Variants in ANGPT2 observed in about 807,000 individuals in gnomAD.
The protein encoded by ANGPT2 is angiopoietin-2.
A neutral mutation model predicts 62.9 loss-of-function variants in ANGPT2; 28 were observed. The observed-to-expected ratio is 0.44, with a 90% CI of 0.33 to 0.61. The LOEUF (loss-of-function observed/expected upper bound fraction) is 0.61, where lower values mean the gene tolerates loss of function less well. ANGPT2 is among the 20% of genes least tolerant of loss of function. ANGPT2 has a pLI of 0.03. For missense variants in ANGPT2, 727 were observed against 594.9 expected, an observed-to-expected ratio of 1.22 and a Z score of -2.31; for synonymous variants, 284 against 207.8, an observed-to-expected ratio of 1.37 and a Z score of -3.15.
In ANGPT2 at chr8:6,562,860, G is replaced by C; in HGVS notation, c.75C>G (p.Ser25Arg). Reference sequence around the variant, plus strand: ...ATTGCTTCTTTCCTATGCTGTCCATGCTCTTCCGAAAGTTGTTATAGGCTG... The same window carrying C: ...ATTGCTTCTTTCCTATGCTGTCCATCCTCTTCCGAAAGTTGTTATAGGCTG... ...LAAAYNNFRK[S>R]MDSIGKKQYQ... Residue 25 changes from serine to arginine, a missense_variant, in exon 1 of 9, where the codon AGC becomes AGG. Coordinates refer to ENST00000629816, the MANE Select transcript of ANGPT2 (RefSeq NM_001118887.2). The C allele has an allele frequency of 1.9e-6, 3 of 1,613,164 alleles. No homozygotes were observed. Among genetic ancestry groups the C allele is most frequent in the Non-Finnish European group, 2.5e-6 (3 of 1,179,298 alleles).
intron 8 of ANGPT2, among the ~76,000 whole-genome samples, chr8:6,505,258 TG>T (rs1277017424): frequency 0.16 from 4,701 of 30,290 alleles, 975 homozygotes; most frequent in East Asian, 0.42. Context: ...TCTTTATATA[TG>T]TTTTATATAT....
chr8:6,541,761 T>C (rs1821620025), intron 1 of ANGPT2, among the ~76,000 whole-genome samples: 1 of 152,112 alleles, frequency 6.6e-6, no homozygotes, highest in South Asian at 2.1e-4. Flanking sequence ...CCCAATACTT[T>C]AGGGGGCCAA....
rs2129573049 is a variant in ANGPT2 at position 6,538,338 on chromosome 8, T to C, written c.289-5851A>G. Among the ~76,000 whole-genome samples the C allele has an allele frequency of 2.0e-5, 3 of 152,318 alleles. 1 individual carries two copies. The South Asian group carries it at 6.2e-4, about 32-fold the overall frequency. The stretch of plus-strand genomic sequence containing the variant: ...TCTTCCCGCCCAGGGTCCACTGTCC[T>C]CTCTGTCTCTTGCTGGCCACGCATC... On this transcript the variant is annotated intron_variant, in intron 1 of 8. Coordinates refer to ENST00000629816, the MANE Select transcript of ANGPT2 (RefSeq NM_001118887.2).
chr8:6,548,466 G>T (rs1040510480), intron 1 of ANGPT2, among the ~76,000 whole-genome samples: 2 of 152,078 alleles, frequency 1.3e-5, no homozygotes, highest in Non-Finnish European at 2.9e-5. Flanking sequence ...GCTCTCCTCT[G>T]CCCAGCTCGA....
intron 7 of ANGPT2, among the ~76,000 whole-genome samples, chr8:6,509,916 CT>C (rs1368155602): frequency 6.6e-6 from 1 of 152,176 alleles, no homozygotes; most frequent in Non-Finnish European, 1.5e-5. Context: ...CTCGCTGCCG[CT>C]GCCTGGCATC....
intron 1 of ANGPT2, among the ~76,000 whole-genome samples, chr8:6,555,729 C>A (rs1024975365): frequency 3.9e-5 from 6 of 152,168 alleles, no homozygotes; most frequent in African/African-American, 1.4e-4. Flanking sequence ...TCCGAAAGTG[C>A]TGCGATTACA....
chr8:6,531,543 CG>C (rs1266922984), intron 2 of ANGPT2, among the ~76,000 whole-genome samples: 1 of 152,084 alleles, frequency 6.6e-6, no homozygotes, highest in Non-Finnish European at 1.5e-5. Context: ...CCACCCATCT[CG>C]GCCTCCCAAA....
At chr8:6,551,494 G>A (rs1197509504) in intron 1 of ANGPT2, among the ~76,000 whole-genome samples, 1 of 152,184 alleles carries the variant, frequency 6.6e-6, no homozygotes, top group East Asian at 1.9e-4. Context: ...TTGAAAATAT[G>A]CAAAATTTCA....
In ANGPT2 at chr8:6,555,497, C is replaced by T. The variant is rs79069232; in HGVS notation, c.288+7150G>A. Among the ~76,000 whole-genome samples the T allele has an allele frequency of 5.4e-3, 813 of 149,996 alleles. 15 individuals are homozygous for T. Among genetic ancestry groups the T allele is most frequent in the East Asian group, 0.051 (258 of 5,108 alleles). ...TTTTTTTGGAGACAGGATCTCACTGCGTAGCCCAGGCTGGAGTACTATGGT... is the reference window on the plus strand; with the variant it reads ...TTTTTTTGGAGACAGGATCTCACTGTGTAGCCCAGGCTGGAGTACTATGGT... On this transcript the variant is annotated intron_variant, in intron 1 of 8. Transcript: ENST00000629816.
intron 8 of ANGPT2, among the ~76,000 whole-genome samples, chr8:6,505,318 A>G (rs1211635896): frequency 1.7e-5 from 1 of 59,728 alleles, no homozygotes; most frequent in African/African-American, 9.3e-5. Flanking sequence ...TAACATATAT[A>G]TGTTATATAC....
intron 1 of ANGPT2, 24 bp from the exon 2 acceptor site, chr8:6,532,511 G>T: frequency 1.3e-6 from 2 of 1,554,520 alleles, no homozygotes; most frequent in Non-Finnish European, 1.7e-6. Context: ...GTGTTAGAAG[G>T]CAGTCATTAG....
rs1335959753 is a variant in ANGPT2, at chr8:6,527,626, G to C, written c.495C>G (p.Leu165=). Residue 165 remains leucine (L), a synonymous_variant, in exon 3 of 9, where the codon CTC becomes CTG. Transcript: ENST00000629816. ...RLELQLLEHS[L]STNKLEKQIL... ...TCTGTTTTTCCAATTTGTTTGTCGA[G>C]AGGGAGTGTTCCAAGAGCTGAAGTT... The C allele has an allele frequency of 6.2e-7, 1 of 1,613,872 alleles. No individual in the cohort carries two copies. The highest frequency in any genetic ancestry group is 8.5e-7 in the Non-Finnish European group (1 of 1,179,938).
At chr8:6,556,427 A>G (rs12543837) in intron 1 of ANGPT2, among the ~76,000 whole-genome samples, 18,303 of 152,056 alleles carry the variant, frequency 0.12, 1,236 homozygotes, top group South Asian at 0.17. Flanking sequence ...GTTTCCGTGT[A>G]GTGACCAAGG....
intron 1 of ANGPT2, among the ~76,000 whole-genome samples, chr8:6,543,481 G>A (rs1014829896): frequency 5.9e-5 from 9 of 152,158 alleles, no homozygotes; most frequent in African/African-American, 1.7e-4. Context: ...ACGCACTGAC[G>A]GGCAATGTGC....
chr8:6,512,982 C>G (rs552985578), intron 7 of ANGPT2, among the ~76,000 whole-genome samples: 2 of 152,218 alleles, frequency 1.3e-5, no homozygotes, highest in Non-Finnish European at 2.9e-5. Flanking sequence ...GACAGACTAA[C>G]TTTTGAAACC....
chr8:6,562,949 T>C lies in ANGPT2; in HGVS notation c.-15A>G. 2 of 1,568,622 alleles carry C rather than the reference T, an allele frequency of 1.3e-6. No homozygotes were observed. Among genetic ancestry groups the C allele is most frequent in the Non-Finnish European group, 8.7e-7 (1 of 1,148,834 alleles). On this transcript the variant is annotated 5_prime_UTR_variant, in exon 1 of 9. Transcript: ENST00000629816. ...ATCTGCCACATTCTTTCTTCAGTAA[T>C]AAACCAGCAGCTTAGCAAACTTGAG...
intron 1 of ANGPT2, among the ~76,000 whole-genome samples, chr8:6,560,287 C>T (rs908060655): frequency 6.6e-6 from 1 of 152,168 alleles, no homozygotes. Flanking sequence ...TGTGCTGCTG[C>T]TTTCTGTGCT....
At chr8:6,513,157 A>G (rs1252509441) in intron 7 of ANGPT2, among the ~76,000 whole-genome samples, 1 of 152,234 alleles carries the variant, frequency 6.6e-6, no homozygotes, top group African/African-American at 2.4e-5. Context: ...AGTAAACACA[A>G]TGGACAAAAT....
At chr8:6,529,623 ATTTTTTTT>A (rs35322987) in intron 2 of ANGPT2, among the ~76,000 whole-genome samples, 4 of 120,962 alleles carry the variant, frequency 3.3e-5, no homozygotes, top group South Asian at 5.4e-4. Flanking sequence ...CGCCTGGCTA[ATTTTTTTT>A]TTTTTTTTTT....
Sources: allele counts gnomAD v4.1 joint callset (sites outside exome capture counted in the v4.1 genomes callset), GRCh38; gene constraint gnomAD v4.1.1; transcripts MANE v1.5; gene names NCBI Gene and HGNC (gene_info 2026-07-23, HGNC 2026-07-21).